CCDC191: variants seen among roughly 807,000 people sequenced by gnomAD.
CCDC191 encodes coiled-coil domain-containing protein 191.
In CCDC191, 99 loss-of-function variants were observed where a neutral mutation model predicts 114.0. The observed-to-expected ratio is 0.87, with a 90% CI of 0.74 to 1.03. The LOEUF (loss-of-function observed/expected upper bound fraction) is 1.03. CCDC191 is among the 50% of genes least tolerant of loss of function. The pLI is 0.00. For missense variants in CCDC191, 973 were observed against 1,087.0 expected (o/e 0.90, Z 1.47); for synonymous variants, 351 against 376.0 (o/e 0.93, Z 0.77).
chr3:114,024,196 AACAACAGGTGCT>A (rs2076285424), intron 7 of CCDC191, among the ~76,000 whole-genome samples: 1 of 152,196 alleles, frequency 6.6e-6, no homozygotes, highest in Admixed American at 6.5e-5. Context: ...AAAGTCAGGA[AACAACAGGTGCT>A]GGAGAGGATG....
chr3:114,053,730 T>A, intron 1 of CCDC191, 95 bp from the exon 2 acceptor site: 1 of 718,804 alleles, frequency 1.4e-6, no homozygotes, highest in Non-Finnish European at 2.3e-6. Context: ...TATGGAACAG[T>A]GTCCTTTATT....
chr3:114,041,980 G>A (rs1428284827), intron 4 of CCDC191, among the ~76,000 whole-genome samples: 1 of 151,418 alleles, frequency 6.6e-6, no homozygotes, highest in African/African-American at 2.4e-5. Context: ...GCACAGTAGT[G>A]GTTTTTCTCT....
At position 114,031,763 on chromosome 3, in the gene CCDC191, C is replaced by T. The variant is rs770540385; in HGVS notation, c.835G>A (p.Glu279Lys). ...TCTGAACTATTTTGAGAATTCTCTTCTTGCCTTTTCTTCTCTCTATTAATA... is the reference window on the plus strand; with the variant it reads ...TCTGAACTATTTTGAGAATTCTCTTTTTGCCTTTTCTTCTCTCTATTAATA... ...AAWKIEKKRQEENSQNSSEKV... is the reference protein window; with the variant it reads ...AAWKIEKKRQKENSQNSSEKV... Residue 279 changes from glutamate to lysine, a missense_variant, in exon 7 of 17, where the codon GAA becomes AAA. By Grantham distance (56) the Glu-to-Lys change is moderately conservative. Transcript: ENST00000295878. The T allele has an allele frequency of 1.4e-5, 20 of 1,410,110 alleles. No individual in the cohort carries two copies. Among genetic ancestry groups the T allele is most frequent in the African/African-American group, 4.3e-5 (3 of 70,556 alleles). The allele number at this position is 1,410,110 out of a possible 1,614,324, so 87.3% of individuals were successfully genotyped here. A position where few individuals can be genotyped will look rare whatever the true frequency, so the allele number is the denominator to read the frequency against.
chr3:114,023,726 A>C (rs1320475379), intron 7 of CCDC191, among the ~76,000 whole-genome samples: 1 of 151,958 alleles, frequency 6.6e-6, no homozygotes, highest in Non-Finnish European at 1.5e-5. Flanking sequence ...TAAAGACTTA[A>C]ATGTTAGACC....
In CCDC191 at chr3:114,002,929, T is replaced by G. The variant is rs566721328; in HGVS notation, c.1979-391A>C. 2.9e-5 allele frequency: 28 copies of G among 982,360 alleles called. 3 individuals carry two copies. The South Asian group carries it at 1.2e-3, about 41-fold the overall frequency. The allele number at this position is 982,360 out of a possible 1,614,324, so 60.9% of individuals were successfully genotyped here. On this transcript the variant is annotated intron_variant, in intron 11 of 16. Transcript: ENST00000295878. ...TTACATCTAACAAGTACTTTGAGAGTAGAATCGTTCCTCAAATCCTATTGA... is the reference window on the plus strand; with the variant it reads ...TTACATCTAACAAGTACTTTGAGAGGAGAATCGTTCCTCAAATCCTATTGA...
At chr3:114,022,809 T>A (rs975269684) in intron 7 of CCDC191, among the ~76,000 whole-genome samples, 10 of 151,726 alleles carry the variant, frequency 6.6e-5, no homozygotes, top group South Asian at 4.2e-4. Flanking sequence ...AGAAAAAAAA[T>A]TAATAAAAAA....
intron 13 of CCDC191, among the ~76,000 whole-genome samples, chr3:113,994,593 T>C (rs1344862740): frequency 6.6e-6 from 1 of 151,750 alleles, no homozygotes; most frequent in Non-Finnish European, 1.5e-5. Flanking sequence ...TTTTTTTTTT[T>C]TTTTTTTAGA....
At chr3:113,986,798 C>T (rs2107625829) in intron 13 of CCDC191, among the ~76,000 whole-genome samples, 1 of 152,240 alleles carries the variant, frequency 6.6e-6, no homozygotes, top group South Asian at 2.1e-4. Flanking sequence ...CTCTCTCTCG[C>T]ATGCGCTCTC....
In CCDC191 at chr3:114,048,786, G is replaced by A. The variant is rs777887960; in HGVS notation, c.130-2054C>T. ...ATTTAATCACTTATTGTCTCCCTCAGGTAGAATGTTGGCAGGAATTCTTAT... is the reference window on the plus strand; with the variant it reads ...ATTTAATCACTTATTGTCTCCCTCAAGTAGAATGTTGGCAGGAATTCTTAT... On this transcript the variant is annotated intron_variant, in intron 2 of 16. Coordinates refer to ENST00000295878, the MANE Select transcript of CCDC191 (RefSeq NM_020817.2). 5.9e-5 allele frequency among the ~76,000 whole-genome samples: 9 copies of A among 152,118 alleles called. No individual in the cohort carries two copies. The South Asian group carries it at 1.7e-3, about 28-fold the overall frequency.
chr3:114,037,910 G>C (rs1439151844), intron 4 of CCDC191, among the ~76,000 whole-genome samples: 1 of 152,206 alleles, frequency 6.6e-6, no homozygotes. Flanking sequence ...TCCATGGTTG[G>C]TTGAGTCCAG....
At chr3:113,976,806 G>A (rs528349636) in intron 16 of CCDC191, among the ~76,000 whole-genome samples, 1 of 152,118 alleles carries the variant, frequency 6.6e-6, no homozygotes, top group Admixed American at 6.5e-5. Context: ...AAGGTTATTT[G>A]TTCAGGGTCA....
chr3:114,026,129 T>C (rs1246237976), intron 7 of CCDC191, among the ~76,000 whole-genome samples: 1 of 152,184 alleles, frequency 6.6e-6, no homozygotes, highest in African/African-American at 2.4e-5. Context: ...AAAATACATT[T>C]AAAAATAGGG....
intron 8 of CCDC191, among the ~76,000 whole-genome samples, chr3:114,018,336 T>C (rs754729627): frequency 1.3e-5 from 2 of 151,884 alleles, no homozygotes; most frequent in Admixed American, 6.6e-5. Context: ...TTTTATTTTA[T>C]TTTATTTTAT....
chr3:113,965,617 T>C (rs934689695), intron 16 of CCDC191, among the ~76,000 whole-genome samples: 4 of 152,092 alleles, frequency 2.6e-5, no homozygotes, highest in African/African-American at 9.7e-5. Context: ...GAGGCAAGAG[T>C]CTTGCTCTGT....
At chr3:113,997,034 G>A (rs1251501342) in intron 13 of CCDC191, among the ~76,000 whole-genome samples, 1 of 152,090 alleles carries the variant, frequency 6.6e-6, no homozygotes, top group Non-Finnish European at 1.5e-5. Context: ...ATTTTAATTG[G>A]AAAACATAAG....
Position 114,002,549 on chromosome 3 carries a change from G to A in CCDC191, c.1979-11C>T, listed in dbSNP as rs759976268. On this transcript the variant is annotated splice_polypyrimidine_tract_variant and intron_variant, in intron 11 of 16. Coordinates refer to ENST00000295878, the MANE Select transcript of CCDC191 (RefSeq NM_020817.2). ...CTCTCTCTTCCATAGCTAGAAAATA[G>A]TAACAGAGTTCTAATATTTTTTATA... 1.3e-6 allele frequency: 2 copies of A among 1,589,776 alleles called. No individual in the cohort carries two copies. Among genetic ancestry groups the A allele is most frequent in the East Asian group, 2.3e-5 (1 of 44,320 alleles).
At chr3:114,036,000 C>A (rs1032155209) in intron 5 of CCDC191, among the ~76,000 whole-genome samples, 1 of 152,160 alleles carries the variant, frequency 6.6e-6, no homozygotes, top group African/African-American at 2.4e-5. Flanking sequence ...ATGGCACACA[C>A]ATGTACAGAT....
At chr3:113,972,218 TTC>T (rs1235076522) in intron 16 of CCDC191, among the ~76,000 whole-genome samples, 4 of 152,144 alleles carry the variant, frequency 2.6e-5, no homozygotes, top group African/African-American at 7.2e-5. Flanking sequence ...TGCTATAAAC[TTC>T]TCTCTTAAAA....
At chr3:114,028,498 G>A (rs368857591) in intron 7 of CCDC191, among the ~76,000 whole-genome samples, 1 of 151,784 alleles carries the variant, frequency 6.6e-6, no homozygotes, top group East Asian at 1.9e-4. Context: ...TGTTAGCCAG[G>A]ATGGTCTCGA....
Sources: allele counts gnomAD v4.1 joint callset (sites outside exome capture counted in the v4.1 genomes callset), GRCh38; gene constraint gnomAD v4.1.1; transcripts MANE v1.5; gene names NCBI Gene and HGNC (gene_info 2026-07-23, HGNC 2026-07-21).